Variants in GABRA3 observed in about 807,000 individuals in gnomAD.
The protein encoded by GABRA3 is gamma-aminobutyric acid type A receptor subunit alpha3.
Under a neutral mutation model 30.1 loss-of-function variants are expected in GABRA3, and 10 were observed. The observed-to-expected ratio is 0.33, with a 90% CI of 0.20 to 0.56. The LOEUF is 0.56. Ranked by LOEUF, GABRA3 falls within the 20% of genes least tolerant of loss-of-function variation. The probability of loss-of-function intolerance (pLI) is 0.89; values close to 1 mark genes in which losing one functional copy is unlikely to be tolerated. For synonymous variants in GABRA3, 151 were observed against 146.8 expected (o/e 1.03, Z -0.21); for missense variants, 233 against 392.0 (o/e 0.59, Z 3.42).
At chrX:152,300,920 A>G (rs2030506554) in intron 3 of GABRA3, among the ~76,000 whole-genome samples, 1 of 111,718 alleles carries the variant, frequency 9.0e-6, no homozygotes, top group African/African-American at 3.2e-5. Flanking sequence ...TAGTTCCAAA[A>G]AGAGAAGAGA....
At chrX:152,416,752 C>G (rs1930232650) in intron 1 of GABRA3, among the ~76,000 whole-genome samples, 1 of 110,727 alleles carries the variant, frequency 9.0e-6, no homozygotes, top group Non-Finnish European at 1.9e-5. Context: ...TTTGACAAAC[C>G]TGAGAAAAAC....
rs1236360906 is a variant in GABRA3, at chrX:152,377,616, G to C, written c.-26-13020C>G. 2.8e-5 allele frequency among the ~76,000 whole-genome samples: 3 copies of C among 108,425 alleles called. No homozygotes were observed. In the East Asian group the frequency reaches 8.6e-4, roughly 31 times the overall value. 94.2% of individuals were successfully genotyped at this position (108,425 alleles called of 115,157 possible). On this transcript the variant is annotated intron_variant, in intron 1 of 9. Transcript: ENST00000370314. ...ACTCAATGTCTTTATGATTAAATAA[G>C]AGAGAAAAAAAAACAACCTAAGGAA... is the stretch of plus-strand genomic sequence containing the variant.
At chrX:152,315,746 A>G (rs1335961419) in intron 3 of GABRA3, among the ~76,000 whole-genome samples, 3 of 110,115 alleles carry the variant, frequency 2.7e-5, no homozygotes. Context: ...TTCCCTGACA[A>G]CCTGCATGAT....
Position 152,168,174 on chromosome X carries a change from C to T in GABRA3, c.*54G>A. ...GAAGGGGAGCCCCGGGGTTTGGGTG[C>T]CTGGATGCTTCACGGGGTATACAGT... is the stretch of plus-strand genomic sequence containing the variant. On this transcript the variant is annotated 3_prime_UTR_variant, in exon 10 of 10. Transcript: ENST00000370314. 1 of 1,038,298 alleles carries T rather than the reference C, an allele frequency of 9.6e-7. No homozygotes were observed. The highest frequency in any genetic ancestry group is 1.3e-6 in the Non-Finnish European group (1 of 746,645). The allele number at this position is 1,038,298 out of a possible 1,213,427, so 85.6% of individuals were successfully genotyped here.
intron 3 of GABRA3, among the ~76,000 whole-genome samples, chrX:152,306,318 T>C (rs766644869): frequency 1.8e-5 from 2 of 112,333 alleles, no homozygotes; most frequent in Admixed American, 1.9e-4. Flanking sequence ...TCCCTATAAG[T>C]CAGCTGTTCC....
intron 1 of GABRA3, among the ~76,000 whole-genome samples, chrX:152,407,788 C>T (rs1929972129): frequency 9.0e-6 from 1 of 111,419 alleles, no homozygotes; most frequent in African/African-American, 3.3e-5. Context: ...AAATTGCAGG[C>T]CAGCATCACT....
At chrX:152,383,907 G>C (rs1929222357) in intron 1 of GABRA3, among the ~76,000 whole-genome samples, 1 of 106,722 alleles carries the variant, frequency 9.4e-6, no homozygotes, top group Non-Finnish European at 1.9e-5. Context: ...GAAAGGAAGA[G>C]GCGAAATTGT....
intron 1 of GABRA3, among the ~76,000 whole-genome samples, chrX:152,406,021 C>T (rs1929926322): frequency 9.1e-6 from 1 of 110,116 alleles, no homozygotes; most frequent in Non-Finnish European, 1.9e-5. Flanking sequence ...GCGGGGTAAT[C>T]TAGGGAATTC....
At chrX:152,434,971 T>G (rs1364051689) in intron 1 of GABRA3, among the ~76,000 whole-genome samples, 1 of 111,872 alleles carries the variant, frequency 8.9e-6, no homozygotes, top group African/African-American at 3.2e-5. Context: ...TGCAATAAAA[T>G]GAAGATCAAG....
At chrX:152,429,479 G>A (rs1406238693) in intron 1 of GABRA3, among the ~76,000 whole-genome samples, 2 of 111,120 alleles carry the variant, frequency 1.8e-5, no homozygotes, top group South Asian at 7.6e-4. Flanking sequence ...GCTCTTGAGG[G>A]AAAGACTAAA....
rs1929031102 is a variant in GABRA3, at chrX:152,377,630, C to A, written c.-26-13034G>T. 4.6e-5 allele frequency among the ~76,000 whole-genome samples: 5 copies of A among 108,743 alleles called. No homozygotes were observed. In the South Asian group the frequency reaches 2.0e-3, roughly 42 times the overall value. The allele number at this position is 108,743 out of a possible 115,157, so 94.4% of individuals were successfully genotyped here. A position where few individuals can be genotyped will look rare whatever the true frequency, so the allele number is the denominator to read the frequency against. ...TGATTAAATAAGAGAGAAAAAAAAA[C>A]AACCTAAGGAAATTTTAAAAAAAAG... On this transcript the variant is annotated intron_variant, in intron 1 of 9. Transcript: ENST00000370314.
At position 152,259,109 on chromosome X, in the gene GABRA3, G is replaced by A. The variant is rs181564790; in HGVS notation, c.331-3111C>T. 4.5e-5 allele frequency among the ~76,000 whole-genome samples: 5 copies of A among 111,860 alleles called. No individual in the cohort carries two copies. The Admixed American group carries it at 4.7e-4, about 11-fold the overall frequency. On this transcript the variant is annotated intron_variant, in intron 4 of 9. Transcript: ENST00000370314. The stretch of plus-strand genomic sequence containing the variant: ...AATTGTGAGACATTGAACTAGTGCT[G>A]CCCTGTTACAACAGAAAGCAAAACC...
At chrX:152,341,798 C>T (rs1940318165) in intron 3 of GABRA3, among the ~76,000 whole-genome samples, 1 of 111,046 alleles carries the variant, frequency 9.0e-6, no homozygotes, top group Admixed American at 9.6e-5. Context: ...CCTCGGCCTC[C>T]AAAAGTGCTG....
At chrX:152,313,578 C>T (rs1939828824) in intron 3 of GABRA3, among the ~76,000 whole-genome samples, 1 of 111,913 alleles carries the variant, frequency 8.9e-6, no homozygotes, top group South Asian at 3.7e-4. Flanking sequence ...CTGGCCTTGA[C>T]TTTACTCTAG....
rs191455985 is a variant in GABRA3 at position 152,179,326 on chromosome X, C to A, written c.1143+10404G>T. ...AAGAACATTTAAAATCTACTCTTAG[C>A]AGTTTTCAAGAATACAGAACATTGC... is the stretch of plus-strand genomic sequence containing the variant. On this transcript the variant is annotated intron_variant, in intron 9 of 9. Transcript: ENST00000370314. 8.6e-4 allele frequency among the ~76,000 whole-genome samples: 95 copies of A among 110,756 alleles called. 1 individual carries two copies. Among genetic ancestry groups the A allele is most frequent in the African/African-American group, 2.7e-3 (82 of 30,467 alleles).
chrX:152,241,871 GGTGCGCGC>G (rs929666642), intron 5 of GABRA3, among the ~76,000 whole-genome samples: 11 of 111,560 alleles, frequency 9.9e-5, no homozygotes, highest in African/African-American at 3.6e-4. Context: ...GCTCGCACAC[GGTGCGCGC>G]ACCCACTGGC....
intron 5 of GABRA3, among the ~76,000 whole-genome samples, chrX:152,230,452 T>G (rs60033610): frequency 0.038 from 4,196 of 110,771 alleles, 244 homozygotes; most frequent in East Asian, 0.33. Context: ...AATCCCAGAT[T>G]TTCTTTTTGT....
chrX:152,416,435 T>C (rs1444423311), intron 1 of GABRA3, among the ~76,000 whole-genome samples: 1 of 106,872 alleles, frequency 9.4e-6, no homozygotes, highest in Non-Finnish European at 1.9e-5. Flanking sequence ...ATCGTGAAAA[T>C]GGCCATACTG....
At chrX:152,215,948 A>C (rs764375006) in intron 6 of GABRA3, among the ~76,000 whole-genome samples, 29 of 111,538 alleles carry the variant, frequency 2.6e-4, no homozygotes, top group Non-Finnish European at 5.3e-4. Context: ...CTTCTCTCAA[A>C]AGAAGATATA....
Sources: gnomAD v4.1 joint callset for allele counts (sites outside exome capture counted in the v4.1 genomes callset) on GRCh38, gnomAD v4.1.1 for gene constraint, MANE v1.5 for transcripts, NCBI Gene and HGNC (gene_info 2026-07-23, HGNC 2026-07-21) for gene names.